ARHGEF28: variants seen among roughly 807,000 people sequenced by gnomAD.
ARHGEF28 encodes the protein 190 kDa guanine nucleotide exchange factor.
A neutral mutation model predicts 206.6 loss-of-function variants in ARHGEF28; 152 were observed. The observed-to-expected ratio is 0.74, with a 90% confidence interval of 0.64 to 0.84. The LOEUF is 0.84. ARHGEF28 is among the 40% of genes least tolerant of loss of function. The pLI is 0.00. For missense variants in ARHGEF28, 2,028 were observed against 2,073.2 expected (o/e 0.98, Z 0.42); for synonymous variants, 763 against 776.4 (o/e 0.98, Z 0.29).
At chr5:73,818,101 AAG>A (rs1028249637) in intron 9 of ARHGEF28, among the ~76,000 whole-genome samples, 1 of 152,102 alleles carries the variant, frequency 6.6e-6, no homozygotes, top group Non-Finnish European at 1.5e-5. Context: ...AAATTGGGAA[AAG>A]AGGGGGCTGG....
chr5:73,821,066 C>T (rs1425064940), intron 9 of ARHGEF28, among the ~76,000 whole-genome samples: 2 of 152,112 alleles, frequency 1.3e-5, no homozygotes, highest in African/African-American at 4.8e-5. Context: ...CCCTGACAAT[C>T]GAGAGTCCTG....
At chr5:73,748,658 G>T (rs1353070871) in intron 2 of ARHGEF28, among the ~76,000 whole-genome samples, 1 of 152,054 alleles carries the variant, frequency 6.6e-6, no homozygotes, top group Non-Finnish European at 1.5e-5. Context: ...TGGCGAGCAG[G>T]TTTGTTTTTG....
intron 1 of ARHGEF28, among the ~76,000 whole-genome samples, chr5:73,648,307 G>C (rs560237603): frequency 3.9e-5 from 6 of 152,104 alleles, no homozygotes; most frequent in African/African-American, 1.4e-4. Context: ...ATTGAATGTT[G>C]CTTCTGTGGA....
chr5:73,680,311 T>G (rs1183989627), intron 1 of ARHGEF28, among the ~76,000 whole-genome samples: 1 of 151,608 alleles, frequency 6.6e-6, no homozygotes, highest in East Asian at 1.9e-4. Flanking sequence ...GGTGGGCATC[T>G]GTAGTCCCAG....
chr5:73,708,447 A>G (rs79286769), intron 2 of ARHGEF28, among the ~76,000 whole-genome samples: 3,264 of 152,234 alleles, frequency 0.021, 108 homozygotes, highest in African/African-American at 0.075. Flanking sequence ...ACTTGGGGAC[A>G]TGCAGTATTT....
chr5:73,785,445 C>T (rs746971798), intron 7 of ARHGEF28, among the ~76,000 whole-genome samples: 6 of 152,102 alleles, frequency 3.9e-5, no homozygotes, highest in Non-Finnish European at 7.4e-5. Flanking sequence ...CCTGGGTTCC[C>T]GCCATCTGTT....
rs1484629900 is a variant in ARHGEF28 at position 73,684,858 on chromosome 5, T to G, written c.7T>G (p.Leu3Val). 1 of 1,609,896 alleles carries G rather than the reference T, an allele frequency of 6.2e-7. No individual in the cohort carries two copies. Among genetic ancestry groups the G allele is most frequent in the South Asian group, 1.1e-5 (1 of 89,932 alleles). The change falls in exon 2 of 36, where the codon TTG becomes GTG. Residue 3 changes from leucine to valine, a missense_variant. By Grantham distance (32) the Leu-to-Val change is conservative (BLOSUM62 1). This residue lies in a region of ARHGEF28 where 1,002 missense variants were observed against 1,015.3 expected (regional missense o/e 0.99). Transcript: ENST00000513042. ...CATTGCAGATGCGAAAGCCATGGAG[T>G]TGAGCTGCAGCGAAGCACCTCTTTA... is the stretch of plus-strand genomic sequence containing the variant. ME[L>V]SCSEAPLYGQ...
chr5:73,895,790 C>T (rs113011000), intron 29 of ARHGEF28, among the ~76,000 whole-genome samples: 6 of 152,322 alleles, frequency 3.9e-5, no homozygotes, highest in African/African-American at 1.4e-4. Flanking sequence ...GTTTAGTCCA[C>T]AAAACCTAAA....
intron 1 of ARHGEF28, among the ~76,000 whole-genome samples, chr5:73,632,261 A>G (rs1183222137): frequency 6.6e-6 from 1 of 152,186 alleles, no homozygotes; most frequent in Non-Finnish European, 1.5e-5. Context: ...AGTCCTTCCC[A>G]GATGTAAATG....
intron 2 of ARHGEF28, among the ~76,000 whole-genome samples, chr5:73,728,050 C>A (rs1750385545): frequency 6.6e-6 from 1 of 152,182 alleles, no homozygotes; most frequent in Non-Finnish European, 1.5e-5. Flanking sequence ...TTAAGTACAG[C>A]ATTTTCATTG....
In ARHGEF28 at chr5:73,773,931, T is replaced by A; in HGVS notation, c.552T>A (p.Cys184Ter). Residue 184 changes from cysteine to a stop codon, truncating the protein, a stop_gained, in exon 5 of 36, where the codon TGT becomes TGA. Transcript: ENST00000513042. LOFTEE classifies it high-confidence loss of function. ...GLAKLSQFFL[C>*]LPGGVQALAL... The stretch of plus-strand genomic sequence containing the variant: ...CTAAACTTTCCCAGTTCTTCTTGTG[T>A]CTCCCGGGGGGAGTCCAGGCCTTGG... The A allele has an allele frequency of 6.2e-7, 1 of 1,608,248 alleles. No homozygotes were observed. Among genetic ancestry groups the A allele is most frequent in the Non-Finnish European group, 8.5e-7 (1 of 1,177,218 alleles).
chr5:73,683,337 A>G (rs1391980879), intron 1 of ARHGEF28, among the ~76,000 whole-genome samples: 1 of 152,098 alleles, frequency 6.6e-6, no homozygotes, highest in Non-Finnish European at 1.5e-5. Context: ...GTCCATATCC[A>G]ATAAAGAATA....
intron 14 of ARHGEF28, among the ~76,000 whole-genome samples, chr5:73,856,538 T>G (rs1759051326): frequency 6.6e-6 from 1 of 152,120 alleles, no homozygotes; most frequent in African/African-American, 2.4e-5. Context: ...TTAAATAACT[T>G]AAAGTTTTAT....
chr5:73,864,077 G>A (rs999259748), intron 16 of ARHGEF28, among the ~76,000 whole-genome samples: 3 of 152,120 alleles, frequency 2.0e-5, no homozygotes, highest in African/African-American at 7.2e-5. Context: ...GCTACAGTGT[G>A]TGTGGGATGG....
intron 2 of ARHGEF28, among the ~76,000 whole-genome samples, chr5:73,699,406 G>T (rs1274012055): frequency 6.6e-6 from 1 of 152,062 alleles, no homozygotes; most frequent in African/African-American, 2.4e-5. Context: ...AGAGCGGGGG[G>T]AGGGGAGAGA....
At chr5:73,694,834 C>T (rs1029362709) in intron 2 of ARHGEF28, among the ~76,000 whole-genome samples, 1 of 152,224 alleles carries the variant, frequency 6.6e-6, no homozygotes, top group Admixed American at 6.5e-5. Context: ...CCATTTAGTG[C>T]CATGCACTGT....
chr5:73,654,805 A>AT (rs1399092231), intron 1 of ARHGEF28, among the ~76,000 whole-genome samples: 1 of 152,092 alleles, frequency 6.6e-6, no homozygotes, highest in Non-Finnish European at 1.5e-5. Flanking sequence ...GTGTCTGATC[A>AT]TTTTCTAGTT....
At chr5:73,791,091 A>G (rs1440874022) in intron 7 of ARHGEF28, among the ~76,000 whole-genome samples, 2 of 152,226 alleles carry the variant, frequency 1.3e-5, no homozygotes, top group African/African-American at 2.4e-5. Flanking sequence ...AGCTTGTCTA[A>G]CCATCCACCA....
intron 16 of ARHGEF28, among the ~76,000 whole-genome samples, chr5:73,860,642 T>C (rs912466875): frequency 6.6e-6 from 1 of 152,218 alleles, no homozygotes; most frequent in Non-Finnish European, 1.5e-5. Context: ...TCTAGAATAC[T>C]GGGAGGGAAT....
Sources: allele counts gnomAD v4.1 joint callset (sites outside exome capture counted in the v4.1 genomes callset), GRCh38; gene constraint gnomAD v4.1.1; regional missense constraint gnomAD v4.1.1; transcripts MANE v1.5; gene names NCBI Gene and HGNC (gene_info 2026-07-23, HGNC 2026-07-21).